NAALADL2: variants seen among roughly 807,000 people sequenced by gnomAD.
The protein encoded by NAALADL2 is inactive N-acetylated-alpha-linked acidic dipeptidase-like protein 2.
A neutral mutation model predicts 87.2 loss-of-function variants in NAALADL2; 76 were observed. The ratio of observed to expected loss-of-function variants is 0.87; its 90% CI spans 0.72 to 1.05. The LOEUF (loss-of-function observed/expected upper bound fraction) is 1.05, where lower values mean the gene tolerates loss of function less well. NAALADL2 is among the 50% of genes least tolerant of loss of function. NAALADL2 has a pLI of 0.00. For missense variants in NAALADL2, 1,089 were observed against 945.8 expected (o/e 1.15, Z -1.99); for synonymous variants, 354 against 331.0 (o/e 1.07, Z -0.75).
intron 5 of NAALADL2, among the ~76,000 whole-genome samples, chr3:175,337,083 T>A (rs1762057523): frequency 6.7e-6 from 1 of 149,636 alleles, no homozygotes; most frequent in Non-Finnish European, 1.5e-5. Context: ...TTTGAAAGTC[T>A]CTGTCATTTC....
At chr3:175,293,061 AAAG>A (rs1212610622) in intron 4 of NAALADL2, among the ~76,000 whole-genome samples, 1 of 150,914 alleles carries the variant, frequency 6.6e-6, no homozygotes, top group Non-Finnish European at 1.5e-5. Context: ...AAAAAAAAAA[AAAG>A]GGGGAACTCG....
In NAALADL2 at chr3:174,469,266, C is replaced by CT. The variant is rs914414673; in HGVS notation, c.-184+28245dup. Among the ~76,000 whole-genome samples the CT allele has an allele frequency of 4.7e-3, 675 of 142,580 alleles. 4 individuals carry two copies. The highest frequency in any genetic ancestry group is 0.016 in the African/African-American group (607 of 39,126). 93.5% of individuals were successfully genotyped at this position (142,580 alleles called of 152,430 possible). ...GCAAACACCAGTCTCCAGACAGGGT[C>CT]TTTTTTTTTTTGAGACAGTCTCGCT... On this transcript the variant is annotated intron_variant, in intron 1 of 3. Transcript: ENST00000434257.
At chr3:174,949,640 G>A (rs189427967) in intron 1 of NAALADL2, among the ~76,000 whole-genome samples, 6 of 152,184 alleles carry the variant, frequency 3.9e-5, no homozygotes, top group South Asian at 2.1e-4. Flanking sequence ...CTATAAACAC[G>A]GAACACCATT....
At chr3:174,668,822 T>A (rs1007888328) in intron 2 of NAALADL2, among the ~76,000 whole-genome samples, 7 of 152,234 alleles carry the variant, frequency 4.6e-5, no homozygotes, top group Non-Finnish European at 1.0e-4. Flanking sequence ...AGTCTGTCAT[T>A]GTTGGACATT....
intron 9 of NAALADL2, among the ~76,000 whole-genome samples, chr3:175,570,879 CAAA>C (rs553923028): frequency 1.7e-4 from 13 of 77,868 alleles, no homozygotes; most frequent in African/African-American, 2.6e-4. Flanking sequence ...GACTCCATCT[CAAA>C]AAAAAAAAAA....
intron 9 of NAALADL2, among the ~76,000 whole-genome samples, chr3:175,558,689 C>G (rs530015748): frequency 1.4e-3 from 208 of 152,198 alleles, no homozygotes; most frequent in African/African-American, 4.9e-3. Flanking sequence ...CTGTCCTTTC[C>G]CCAATGTATA....
At chr3:174,906,667 A>G (rs1195233997) in intron 1 of NAALADL2, among the ~76,000 whole-genome samples, 1 of 152,136 alleles carries the variant, frequency 6.6e-6, no homozygotes, top group African/African-American at 2.4e-5. Context: ...CATGCTTCAT[A>G]TAAGACCACA....
chr3:175,343,655 G>GTT (rs113806607), intron 5 of NAALADL2, among the ~76,000 whole-genome samples: 2,928 of 64,582 alleles, frequency 0.045, 318 homozygotes, highest in African/African-American at 0.13. Context: ...TCTTGATCAT[G>GTT]TTTTTTTTTT....
intron 3 of NAALADL2, among the ~76,000 whole-genome samples, chr3:174,836,916 T>G (rs894056462): frequency 3.3e-5 from 5 of 152,004 alleles, no homozygotes; most frequent in Non-Finnish European, 7.4e-5. Context: ...TTTGCAACCT[T>G]GGGTTCAACA....
At chr3:175,322,334 A>G (rs1267544030) in intron 4 of NAALADL2, among the ~76,000 whole-genome samples, 2 of 129,106 alleles carry the variant, frequency 1.5e-5, no homozygotes, top group African/African-American at 6.5e-5. Context: ...TACAAAAATC[A>G]ATTCAAGATG....
rs139461447 is a variant in NAALADL2 at position 175,155,418 on chromosome 3, C to T, written c.545+58127C>T. Among the ~76,000 whole-genome samples, 292 of 152,228 alleles carry T rather than the reference C, an allele frequency of 1.9e-3. 1 individual carries two copies. Among genetic ancestry groups the T allele is most frequent in the Middle Eastern group, 6.8e-3 (2 of 294 alleles). On this transcript the variant is annotated intron_variant, in intron 2 of 13. Coordinates refer to ENST00000454872, the MANE Select transcript of NAALADL2 (RefSeq NM_207015.3). Reference sequence around the variant, plus strand: ...TCAGAATCAAAGTGACAAAAACCAACCTGGCTAGCAAACCAAAGCTACAGA... The same window carrying T: ...TCAGAATCAAAGTGACAAAAACCAATCTGGCTAGCAAACCAAAGCTACAGA...
chr3:174,886,720 TA>T (rs970768473), intron 1 of NAALADL2, among the ~76,000 whole-genome samples: 10 of 152,292 alleles, frequency 6.6e-5, no homozygotes, highest in African/African-American at 2.4e-4. Context: ...TAAGCCTCTT[TA>T]AAAAGGGTGA....
chr3:175,348,021 T>A (rs1763335934), intron 5 of NAALADL2, among the ~76,000 whole-genome samples: 1 of 152,036 alleles, frequency 6.6e-6, no homozygotes, highest in Non-Finnish European at 1.5e-5. Context: ...TTGCTGAGAA[T>A]GATGGCTTCA....
chr3:175,142,611 T>C (rs1049261676), intron 2 of NAALADL2, among the ~76,000 whole-genome samples: 1 of 151,950 alleles, frequency 6.6e-6, no homozygotes, highest in Non-Finnish European at 1.5e-5. Context: ...ACTGCACTTT[T>C]TTTTTTAAAA....
chr3:175,625,437 T>C (rs1254690958), intron 10 of NAALADL2, among the ~76,000 whole-genome samples: 1 of 152,026 alleles, frequency 6.6e-6, no homozygotes, highest in Non-Finnish European at 1.5e-5. Flanking sequence ...AATATTGCAA[T>C]GCGAGAAGTG....
intron 1 of NAALADL2, among the ~76,000 whole-genome samples, chr3:174,466,241 C>A (rs965190174): frequency 2.6e-5 from 4 of 151,574 alleles, no homozygotes; most frequent in African/African-American, 9.7e-5. Context: ...TGGCCCAAGA[C>A]AAATTCATAA....
At chr3:174,811,537 G>A (rs1482963047) in intron 3 of NAALADL2, among the ~76,000 whole-genome samples, 1 of 152,182 alleles carries the variant, frequency 6.6e-6, no homozygotes. Context: ...TTCCCTCTTG[G>A]AACAGGATTA....
At chr3:175,200,585 C>G (rs369904218) in intron 2 of NAALADL2, among the ~76,000 whole-genome samples, 2 of 152,178 alleles carry the variant, frequency 1.3e-5, no homozygotes, top group African/African-American at 4.8e-5. Flanking sequence ...AACAACCATC[C>G]TCCCAGTAAT....
chr3:175,504,306 G>C (rs1729961910), intron 9 of NAALADL2, among the ~76,000 whole-genome samples: 1 of 152,168 alleles, frequency 6.6e-6, no homozygotes, highest in African/African-American at 2.4e-5. Flanking sequence ...TTTCTGGACG[G>C]TTGGAATTGA....
Sources: gnomAD v4.1 joint callset for allele counts (sites outside exome capture counted in the v4.1 genomes callset) on GRCh38, gnomAD v4.1.1 for gene constraint, MANE v1.5 for transcripts, NCBI Gene and HGNC (gene_info 2026-07-23, HGNC 2026-07-21) for gene names.